The following NUAK1 variants were observed in gnomAD, a reference collection of about 807,000 sequenced individuals.
The protein encoded by NUAK1 is NUAK family SNF1-like kinase 1.
NUAK1 carries 26 observed loss-of-function variants against 56.9 expected under a neutral mutation model. That is an observed-to-expected ratio of 0.46 (90% CI 0.33 to 0.63). The LOEUF (loss-of-function observed/expected upper bound fraction) is 0.63. Among genes scored for constraint, NUAK1 ranks in the 30% least tolerant of loss-of-function variants. NUAK1 has a pLI of 0.02. For missense variants in NUAK1, 727 were observed against 876.1 expected (o/e 0.83, Z 2.15); for synonymous variants, 337 against 336.0 (o/e 1.00, Z -0.03).
At position 106,067,386 on chromosome 12, in the gene NUAK1, A is replaced by G. The variant is rs767390062; in HGVS notation, c.1402T>C (p.Leu468=). The change falls in exon 7 of 7, where the codon TTG becomes CTG. Residue 468 remains leucine, a synonymous_variant. Transcript: ENST00000261402. The surrounding 1 kb of genome is among the most constrained non-coding windows in gnomAD (Gnocchi z 6.0). ...GATTCTCTCTGCTGGGTCTTTTTCA[A>G]GATGCCTTTCTTGGGCATCGTGGCC... ...QSATMPKKGI[L]KKTQQRESGY... 13 of 1,614,142 alleles carry G rather than the reference A, an allele frequency of 8.1e-6. No homozygotes were observed. The highest frequency in any genetic ancestry group is 1.3e-5 in the African/African-American group (1 of 75,006).
intron 1 of NUAK1, among the ~76,000 whole-genome samples, chr12:106,110,250 G>A (rs2136473939): frequency 6.6e-6 from 1 of 152,232 alleles, no homozygotes; most frequent in Non-Finnish European, 1.5e-5. Flanking sequence ...TCAAAACTCA[G>A]CCTCAAGATA....
intron 1 of NUAK1, among the ~76,000 whole-genome samples, chr12:106,130,005 G>A (rs1278292372): frequency 4.0e-5 from 6 of 151,642 alleles, no homozygotes; most frequent in African/African-American, 9.7e-5. Context: ...TCTGTGAGAC[G>A]GAGTCTGCCT....
At chr12:106,121,096 C>A (rs2032969321) in intron 1 of NUAK1, among the ~76,000 whole-genome samples, 1 of 152,178 alleles carries the variant, frequency 6.6e-6, no homozygotes, top group Non-Finnish European at 1.5e-5. Flanking sequence ...CTCAGCCAGG[C>A]CTGAGAACTA....
At chr12:106,085,479 A>G (rs2032561176) in intron 3 of NUAK1, among the ~76,000 whole-genome samples, 1 of 152,218 alleles carries the variant, frequency 6.6e-6, no homozygotes, top group African/African-American at 2.4e-5. Context: ...GATCATTTAT[A>G]TGAAGAAGTT....
chr12:106,098,781 G>A (rs1415883202), intron 2 of NUAK1, among the ~76,000 whole-genome samples: 2 of 152,280 alleles, frequency 1.3e-5, no homozygotes, highest in East Asian at 3.9e-4. Context: ...GGCTTTCAAA[G>A]GGGAAGTGGG....
At chr12:106,099,944 T>C (rs887157564) in intron 2 of NUAK1, among the ~76,000 whole-genome samples, 18 of 151,252 alleles carry the variant, frequency 1.2e-4, no homozygotes, top group African/African-American at 4.1e-4. Flanking sequence ...GCATGCACCA[T>C]CACGTCCAGC....
At chr12:106,087,782 G>T (rs2032588410) in intron 2 of NUAK1, among the ~76,000 whole-genome samples, 1 of 152,226 alleles carries the variant, frequency 6.6e-6, no homozygotes, top group African/African-American at 2.4e-5. Context: ...AACTGGCACG[G>T]CCTGCAATCA....
chr12:106,085,590 A>C (rs141997866), intron 3 of NUAK1, among the ~76,000 whole-genome samples: 1 of 152,312 alleles, frequency 6.6e-6, no homozygotes, highest in Non-Finnish European at 1.5e-5. Context: ...AATGAGATGA[A>C]ATTCATGGCC....
At chr12:106,079,689 C>A (rs1474296400) in intron 4 of NUAK1, among the ~76,000 whole-genome samples, 1 of 152,236 alleles carries the variant, frequency 6.6e-6, no homozygotes, top group Non-Finnish European at 1.5e-5. Context: ...TCTTCATTCT[C>A]ATCCTGCATG....
Position 106,138,815 on chromosome 12 carries a change from G to T in NUAK1, c.-162C>A, listed in dbSNP as rs2033156528. On this transcript the variant is annotated 5_prime_UTR_variant, in exon 1 of 7. Transcript: ENST00000261402. The surrounding 1 kb of genome is among the most constrained non-coding windows in gnomAD (Gnocchi z 5.0). Reference sequence around the variant, plus strand: ...GGACTGCGGCTCGGTCACTGGCGGCGGCGGGGACTGCACATCTGGCGCCCG... The same window carrying T: ...GGACTGCGGCTCGGTCACTGGCGGCTGCGGGGACTGCACATCTGGCGCCCG... 1 of 1,005,368 alleles carries T rather than the reference G, an allele frequency of 9.9e-7. No individual in the cohort carries two copies. The highest frequency in any genetic ancestry group is 1.3e-6 in the Non-Finnish European group (1 of 749,420). The allele number at this position is 1,005,368 out of a possible 1,614,324, so 62.3% of individuals were successfully genotyped here.
At chr12:106,078,260 C>T (rs2032482735) in intron 4 of NUAK1, among the ~76,000 whole-genome samples, 1 of 152,302 alleles carries the variant, frequency 6.6e-6, no homozygotes, top group Non-Finnish European at 1.5e-5. Flanking sequence ...AGCAGCATTG[C>T]TATATGCCAG....
At chr12:106,129,409 G>A (rs1427113015) in intron 1 of NUAK1, among the ~76,000 whole-genome samples, 1 of 152,348 alleles carries the variant, frequency 6.6e-6, no homozygotes, top group East Asian at 1.9e-4. Context: ...GCTACAGGCT[G>A]GGCTGCAGTG....
At chr12:106,084,957 T>C (rs894140910) in intron 3 of NUAK1, among the ~76,000 whole-genome samples, 2 of 152,236 alleles carry the variant, frequency 1.3e-5, no homozygotes, top group African/African-American at 4.8e-5. Flanking sequence ...TCCTTTTCAT[T>C]TGACCATTCT....
At position 106,084,419 on chromosome 12, in the gene NUAK1, C is replaced by T. The variant is rs186782594; in HGVS notation, c.514-490G>A. 3.3e-5 allele frequency among the ~76,000 whole-genome samples: 5 copies of T among 152,330 alleles called. No individual in the cohort carries two copies. In the East Asian group the frequency reaches 5.8e-4, roughly 18 times the overall value. On this transcript the variant is annotated intron_variant, in intron 3 of 6. Transcript: ENST00000261402. ...GAAAGACATCTGGCTCAATCTATTC[C>T]GACCTGTTTTGATCTGTCCTGAGGA...
chr12:106,093,240 C>G (rs2032655473), intron 2 of NUAK1, among the ~76,000 whole-genome samples: 1 of 152,230 alleles, frequency 6.6e-6, no homozygotes, highest in Non-Finnish European at 1.5e-5. Context: ...ACCATTGTTT[C>G]AACATATCCT....
intron 2 of NUAK1, among the ~76,000 whole-genome samples, chr12:106,090,109 T>C (rs1164581795): frequency 6.6e-6 from 1 of 152,138 alleles, no homozygotes; most frequent in African/African-American, 2.4e-5. Flanking sequence ...GAAGAACTCA[T>C]ATGGAGCCAG....
In NUAK1 at chr12:106,076,008, T is replaced by A. The variant is rs1229211814; in HGVS notation, c.580-3165A>T. On this transcript the variant is annotated intron_variant, in intron 4 of 6. Coordinates refer to ENST00000261402, the MANE Select transcript of NUAK1 (RefSeq NM_014840.3). ...TAAGGTAATTATTTAGGGCTTCTTT[T>A]TCAAATAGACAGAACTTTAAAAAGT... Among the ~76,000 whole-genome samples the A allele has an allele frequency of 1.3e-5, 2 of 152,222 alleles. 1 individual carries two copies. The highest frequency in any genetic ancestry group is 1.3e-4 in the Admixed American group (2 of 15,288).
At chr12:106,078,550 C>T (rs1348209881) in intron 4 of NUAK1, among the ~76,000 whole-genome samples, 1 of 152,224 alleles carries the variant, frequency 6.6e-6, no homozygotes, top group Non-Finnish European at 1.5e-5. Context: ...GGAAGGTACA[C>T]TCCATAACTC....
intron 2 of NUAK1, among the ~76,000 whole-genome samples, chr12:106,089,997 C>G (rs2032618707): frequency 6.6e-6 from 1 of 152,136 alleles, no homozygotes; most frequent in Non-Finnish European, 1.5e-5. Context: ...CAGTCAAACC[C>G]AAGCCAAACA....
Sources: gnomAD v4.1 joint callset for allele counts (sites outside exome capture counted in the v4.1 genomes callset) on GRCh38, gnomAD v4.1.1 for gene constraint, Gnocchi (gnomAD v3.1) non-coding constraint, MANE v1.5 for transcripts, NCBI Gene and HGNC (gene_info 2026-07-23, HGNC 2026-07-21) for gene names.